Variants in MGAT4C observed in about 807,000 individuals in gnomAD.
The protein encoded by MGAT4C is MGAT4 family member C, also known as alpha-1,3-mannosyl-glycoprotein 4-beta-N-acetylglucosaminyltransferase C.
Under a neutral mutation model 40.1 loss-of-function variants are expected in MGAT4C, and 19 were observed. The ratio of observed to expected loss-of-function variants is 0.47; its 90% CI spans 0.33 to 0.70. MGAT4C has a LOEUF of 0.70. Ranked by LOEUF, MGAT4C falls within the 30% of genes least tolerant of loss-of-function variation. The probability of loss-of-function intolerance (pLI) is 0.02; values close to 1 mark genes in which losing one functional copy is unlikely to be tolerated. For synonymous variants in MGAT4C, 181 were observed against 187.1 expected, an observed-to-expected ratio of 0.97 and a Z score of 0.27; for missense variants, 491 against 563.2, an observed-to-expected ratio of 0.87 and a Z score of 1.30.
intron 2 of MGAT4C, among the ~76,000 whole-genome samples, chr12:86,573,828 C>A (rs1249195904): frequency 6.6e-6 from 1 of 151,924 alleles, no homozygotes; most frequent in Non-Finnish European, 1.5e-5. Context: ...TATTAGCTAT[C>A]ATTTTCAAAT....
At chr12:86,704,660 G>A (rs1950424537) in intron 2 of MGAT4C, among the ~76,000 whole-genome samples, 1 of 152,016 alleles carries the variant, frequency 6.6e-6, no homozygotes, top group African/African-American at 2.4e-5. Context: ...CAACTTATAA[G>A]GCAAATTTAT....
chr12:86,048,534 A>G (rs948261842), intron 2 of MGAT4C, among the ~76,000 whole-genome samples: 11 of 152,144 alleles, frequency 7.2e-5, no homozygotes, highest in Non-Finnish European at 1.5e-4. Flanking sequence ...TATATCAGCT[A>G]TGCAGATAAA....
intron 1 of MGAT4C, among the ~76,000 whole-genome samples, chr12:86,199,271 T>C (rs1949943607): frequency 6.6e-6 from 1 of 152,012 alleles, no homozygotes; most frequent in African/African-American, 2.4e-5. Context: ...AGCTGGAGTA[T>C]GAAGGCTTAT....
chr12:86,632,651 G>A (rs527683761), intron 2 of MGAT4C, among the ~76,000 whole-genome samples: 66 of 151,192 alleles, frequency 4.4e-4, no homozygotes, highest in African/African-American at 1.1e-3. Context: ...GCAAACTATC[G>A]CAAGGACAGA....
At chr12:86,302,590 C>T (rs1953842143) in intron 4 of MGAT4C, among the ~76,000 whole-genome samples, 1 of 150,244 alleles carries the variant, frequency 6.7e-6, no homozygotes, top group African/African-American at 2.5e-5. Flanking sequence ...CAACGTGCCC[C>T]ACTAATTTTT....
At chr12:86,641,419 A>G (rs1963383414) in intron 2 of MGAT4C, among the ~76,000 whole-genome samples, 1 of 151,844 alleles carries the variant, frequency 6.6e-6, no homozygotes, top group South Asian at 2.1e-4. Flanking sequence ...ACCTAATGCT[A>G]AATGACCAGT....
intron 4 of MGAT4C, among the ~76,000 whole-genome samples, chr12:86,313,147 AT>A (rs147066316): frequency 1.8e-4 from 27 of 152,140 alleles, no homozygotes; most frequent in African/African-American, 4.1e-4. Flanking sequence ...AAAAGACAGT[AT>A]TTTTTTTAAA....
chr12:86,362,036 C>T (rs1034662232), intron 3 of MGAT4C, among the ~76,000 whole-genome samples: 1 of 152,140 alleles, frequency 6.6e-6, no homozygotes, highest in South Asian at 2.1e-4. Context: ...CACATGCACA[C>T]GTATATTTAT....
chr12:86,399,856 C>A (rs1456276483), intron 3 of MGAT4C, among the ~76,000 whole-genome samples: 1 of 152,178 alleles, frequency 6.6e-6, no homozygotes, highest in Non-Finnish European at 1.5e-5. Context: ...TTAAAATATG[C>A]TTTATAATTA....
chr12:86,154,635 T>C (rs1291618298), intron 1 of MGAT4C, among the ~76,000 whole-genome samples: 4 of 152,202 alleles, frequency 2.6e-5, no homozygotes, highest in African/African-American at 9.7e-5. Context: ...AATGGACCTA[T>C]TGGTTCTCAC....
intron 1 of MGAT4C, among the ~76,000 whole-genome samples, chr12:86,225,952 G>T (rs919257432): frequency 6.6e-6 from 1 of 151,856 alleles, no homozygotes; most frequent in African/African-American, 2.4e-5. Flanking sequence ...AAGCAATCAG[G>T]CAAGACAAAG....
intron 2 of MGAT4C, among the ~76,000 whole-genome samples, chr12:86,682,788 T>A (rs1462947709): frequency 6.6e-6 from 1 of 152,112 alleles, no homozygotes; most frequent in African/African-American, 2.4e-5. Context: ...ATATATTTTA[T>A]AACAAAGTAA....
intron 3 of MGAT4C, among the ~76,000 whole-genome samples, chr12:86,342,055 T>TG (rs530357230): frequency 2.7e-4 from 41 of 151,964 alleles, no homozygotes; most frequent in African/African-American, 7.0e-4. Context: ...TCCTTCTCTC[T>TG]GGGGGGGACC....
chr12:86,178,005 T>C (rs549752167), intron 1 of MGAT4C, among the ~76,000 whole-genome samples: 20 of 152,242 alleles, frequency 1.3e-4, no homozygotes, highest in East Asian at 1.2e-3. Flanking sequence ...GGCGCGATAT[T>C]GGCTCACTGC....
intron 4 of MGAT4C, among the ~76,000 whole-genome samples, chr12:86,310,363 G>C (rs1954040778): frequency 1.3e-5 from 2 of 152,106 alleles, no homozygotes; most frequent in Non-Finnish European, 1.5e-5. Context: ...TCAGTCTCTG[G>C]AAAACAACAA....
At chr12:86,067,143 A>G (rs1894620569) in intron 1 of MGAT4C, among the ~76,000 whole-genome samples, 1 of 152,232 alleles carries the variant, frequency 6.6e-6, no homozygotes, top group Non-Finnish European at 1.5e-5. Flanking sequence ...TGTAGAAGAC[A>G]GTGTGCCGAT....
At chr12:86,234,134 T>C (rs1951437575) in intron 1 of MGAT4C, among the ~76,000 whole-genome samples, 1 of 152,128 alleles carries the variant, frequency 6.6e-6, no homozygotes, top group Non-Finnish European at 1.5e-5. Context: ...CAGTTCAGAT[T>C]GAAAAAGCCA....
At chr12:86,083,033 T>A (rs138019842) in intron 1 of MGAT4C, among the ~76,000 whole-genome samples, 201 of 152,222 alleles carry the variant, frequency 1.3e-3, no homozygotes, top group African/African-American at 4.7e-3. Context: ...ACTCAAATTA[T>A]CCTTCCCAAG....
At chr12:86,657,752 G>A (rs1452816457) in intron 2 of MGAT4C, among the ~76,000 whole-genome samples, 2 of 151,768 alleles carry the variant, frequency 1.3e-5, no homozygotes, top group Non-Finnish European at 2.9e-5. Flanking sequence ...TGGCTGAAAA[G>A]CATAAATCTT....
Sources: allele counts gnomAD v4.1 joint callset (sites outside exome capture counted in the v4.1 genomes callset), GRCh38; gene constraint gnomAD v4.1.1; transcripts MANE v1.5; gene names NCBI Gene and HGNC (gene_info 2026-07-23, HGNC 2026-07-21).